MEGF11: variants seen among roughly 807,000 people sequenced by gnomAD.
MEGF11 encodes multiple epidermal growth factor-like domains protein 11.
In MEGF11, 126 loss-of-function variants were observed where a neutral mutation model predicts 146.6. That is an observed-to-expected ratio of 0.86 (90% CI 0.74 to 1.00). The LOEUF (loss-of-function observed/expected upper bound fraction) is 1.00, where lower values mean the gene tolerates loss of function less well. Among genes scored for constraint, MEGF11 ranks in the 50% least tolerant of loss-of-function variants. The pLI, the probability that MEGF11 is intolerant of heterozygous loss-of-function variation, is 0.00. For missense variants in MEGF11, 1,509 were observed against 1,521.2 expected (o/e 0.99, Z 0.13); for synonymous variants, 532 against 583.4 (o/e 0.91, Z 1.27).
At chr15:65,923,161 A>C (rs565601768) in intron 13 of MEGF11, among the ~76,000 whole-genome samples, 192 bp from the exon 14 acceptor site, 1 of 152,340 alleles carries the variant, frequency 6.6e-6, no homozygotes, top group East Asian at 1.9e-4. Flanking sequence ...CCAGAGTTCT[A>C]AAAGTCGAGG....
At chr15:66,008,449 AC>A (rs1169953296) in intron 5 of MEGF11, among the ~76,000 whole-genome samples, 7 of 151,532 alleles carry the variant, frequency 4.6e-5, no homozygotes, top group African/African-American at 1.7e-4. Flanking sequence ...ACACACACAC[AC>A]AAAATTACAG....
intron 5 of MEGF11, among the ~76,000 whole-genome samples, chr15:65,996,633 G>A (rs2082209774): frequency 1.3e-5 from 2 of 152,096 alleles, no homozygotes; most frequent in Admixed American, 1.3e-4. Context: ...TTACAGGCGT[G>A]AGCCATCACA....
chr15:66,052,869 G>C (rs1857178269), intron 5 of MEGF11, among the ~76,000 whole-genome samples: 1 of 152,196 alleles, frequency 6.6e-6, no homozygotes, highest in South Asian at 2.1e-4. Flanking sequence ...CTTGACCAAA[G>C]AAATTAGAAT....
At chr15:66,095,168 G>A (rs1420748317) in intron 4 of MEGF11, among the ~76,000 whole-genome samples, 2 of 152,244 alleles carry the variant, frequency 1.3e-5, no homozygotes, top group Non-Finnish European at 2.9e-5. Context: ...TGAGGTGGGA[G>A]GTTACAGCGG....
At chr15:66,046,448 C>T (rs945806903) in intron 5 of MEGF11, among the ~76,000 whole-genome samples, 2 of 152,216 alleles carry the variant, frequency 1.3e-5, no homozygotes, top group Non-Finnish European at 2.9e-5. Flanking sequence ...GGTGGTCAGG[C>T]TTTCTTTAGA....
intron 5 of MEGF11, among the ~76,000 whole-genome samples, chr15:66,014,807 G>C (rs951999920): frequency 2.0e-5 from 3 of 152,158 alleles, no homozygotes; most frequent in African/African-American, 7.2e-5. Flanking sequence ...CTTGTAGCCA[G>C]TGACAAGGGA....
chr15:66,147,371 T>C (rs761435055), intron 1 of MEGF11, among the ~76,000 whole-genome samples: 6 of 152,296 alleles, frequency 3.9e-5, no homozygotes, highest in Admixed American at 6.5e-5. Flanking sequence ...ACCTACTAAG[T>C]GCCAGGCGTC....
chr15:65,964,808 GA>G, intron 9 of MEGF11, 99 bp downstream of exon 9: 1 of 1,139,818 alleles, frequency 8.8e-7, no homozygotes, highest in Admixed American at 2.5e-5. Flanking sequence ...CACCTGCCTG[GA>G]TGTCCATGCT....
intron 10 of MEGF11, among the ~76,000 whole-genome samples, chr15:65,934,658 C>T (rs911473262): frequency 6.6e-6 from 1 of 152,144 alleles, no homozygotes; most frequent in Non-Finnish European, 1.5e-5. Context: ...ACAGCCCCAC[C>T]CGCTGAAGGG....
At chr15:66,206,523 AC>A (rs2091303191) in intron 1 of MEGF11, among the ~76,000 whole-genome samples, 1 of 152,184 alleles carries the variant, frequency 6.6e-6, no homozygotes, top group African/African-American at 2.4e-5. Context: ...ATGAAGAAAA[AC>A]AATTGAAAGC....
chr15:66,235,506 A>G (rs1217570701), intron 1 of MEGF11, among the ~76,000 whole-genome samples: 1 of 53,508 alleles, frequency 1.9e-5, no homozygotes, highest in Non-Finnish European at 4.9e-5. Flanking sequence ...TGTCTCAAAG[A>G]AAAAAAAAAG....
chr15:66,076,172 G>A (rs2085570408), intron 5 of MEGF11, among the ~76,000 whole-genome samples: 1 of 151,702 alleles, frequency 6.6e-6, no homozygotes, highest in African/African-American at 2.4e-5. Context: ...TACATAGTTG[G>A]ACAAGGGGAT....
intron 5 of MEGF11, among the ~76,000 whole-genome samples, chr15:66,048,570 A>C (rs1374457407): frequency 2.6e-5 from 4 of 152,224 alleles, no homozygotes; most frequent in African/African-American, 7.2e-5. Flanking sequence ...CTCACTGATG[A>C]CCAAGGGAAG....
At chr15:65,898,559 A>G (rs759939535) in intron 25 of MEGF11, 169 bp downstream of exon 25, 53 of 985,256 alleles carry the variant, frequency 5.4e-5, no homozygotes, top group Non-Finnish European at 6.3e-5. Context: ...GACTTCCTGC[A>G]TTAGCTAGGA....
intron 5 of MEGF11, among the ~76,000 whole-genome samples, chr15:66,088,286 A>G (rs1279910109): frequency 6.6e-6 from 1 of 152,228 alleles, no homozygotes; most frequent in Non-Finnish European, 1.5e-5. Context: ...ACACTGTTCC[A>G]CAAGATAAAG....
rs114442086 is a variant in MEGF11, at chr15:65,911,985, C to T, written c.2829+97G>A. ...ATTGGTGGTCAGTTCTACATGGACC[C>T]TCCATGTGGCGGGGGGCGTGCAGTT... On this transcript the variant is annotated intron_variant, in intron 21 of 25. Transcript: ENST00000395614. The T allele has an allele frequency of 3.0e-3, 1,744 of 582,138 alleles. 19 individuals are homozygous for T. The highest frequency in any genetic ancestry group is 0.03 in the African/African-American group (1,546 of 52,098). The allele number at this position is 582,138 out of a possible 1,614,324, so 36.1% of individuals were successfully genotyped here.
chr15:66,146,196 C>A (rs1462255275), intron 1 of MEGF11, among the ~76,000 whole-genome samples: 4 of 152,130 alleles, frequency 2.6e-5, no homozygotes, highest in African/African-American at 9.7e-5. Context: ...TTGTAAAGAT[C>A]AAAAAGATAA....
intron 1 of MEGF11, among the ~76,000 whole-genome samples, chr15:66,225,032 C>T (rs1597161433): frequency 1.3e-5 from 2 of 152,314 alleles, no homozygotes; most frequent in South Asian, 2.1e-4. Flanking sequence ...AAGAACACGG[C>T]GTGTGTGGTC....
rs533900223 is a variant in MEGF11 at position 66,246,332 on chromosome 15, G to T, written c.-9+7273C>A. ...GTATTGCAAGCAGAGTGTATGGAAT[G>T]GGGGCAGGGGTACCTGCTCAGGTTT... On this transcript the variant is annotated intron_variant, in intron 1 of 25. Coordinates refer to ENST00000395614, the MANE Select transcript of MEGF11 (RefSeq NM_001385028.1). Among the ~76,000 whole-genome samples, 3 of 152,226 alleles carry T rather than the reference G, an allele frequency of 2.0e-5. No homozygotes were observed. In the East Asian group the frequency reaches 5.8e-4, roughly 29 times the overall value.
Sources: allele counts gnomAD v4.1 joint callset (sites outside exome capture counted in the v4.1 genomes callset), GRCh38; gene constraint gnomAD v4.1.1; transcripts MANE v1.5; gene names NCBI Gene and HGNC (gene_info 2026-07-23, HGNC 2026-07-21).